The following ADAMTSL1 variants were observed in gnomAD, a reference collection of about 807,000 sequenced individuals.
ADAMTSL1 encodes the protein ADAMTS-like protein 1.
A neutral mutation model predicts 201.8 loss-of-function variants in ADAMTSL1; 126 were observed. The observed-to-expected ratio is 0.62, with a 90% CI of 0.54 to 0.72. The LOEUF (loss-of-function observed/expected upper bound fraction) is 0.72, where lower values mean the gene tolerates loss of function less well. ADAMTSL1 is among the 30% of genes least tolerant of loss of function. The pLI, the probability that ADAMTSL1 is intolerant of heterozygous loss-of-function variation, is 0.00. For synonymous variants in ADAMTSL1, 1,121 were observed against 903.4 expected (o/e 1.24, Z -4.32); for missense variants, 2,679 against 2,277.8 (o/e 1.18, Z -3.59).
intron 23 of ADAMTSL1, among the ~76,000 whole-genome samples, chr9:18,836,250 C>G (rs1273856224): frequency 6.6e-6 from 1 of 151,962 alleles, no homozygotes; most frequent in Non-Finnish European, 1.5e-5. Flanking sequence ...AATGTCTGTT[C>G]CTGTCTTTTG....
At chr9:18,907,935 C>G (rs1312159803) in intron 28 of ADAMTSL1, 1 of 182,344 alleles carries the variant, frequency 5.5e-6, no homozygotes, top group East Asian at 1.7e-4. Flanking sequence ...TAAAGCTTAA[C>G]AGAGAAAGTA....
At chr9:18,737,380 T>A (rs1818576929) in intron 15 of ADAMTSL1, among the ~76,000 whole-genome samples, 1 of 144,042 alleles carries the variant, frequency 6.9e-6, no homozygotes, top group Non-Finnish European at 1.5e-5. Context: ...CAGAGCCCCA[T>A]GCCCATGCCA....
intron 14 of ADAMTSL1, among the ~76,000 whole-genome samples, chr9:18,710,574 G>C (rs571065517): frequency 2.1e-4 from 31 of 150,796 alleles, no homozygotes; most frequent in Non-Finnish European, 2.8e-4. Context: ...ATTTGTGTTT[G>C]ACAAACCTAA....
chr9:18,042,825 A>G (rs1821485539), intron 1 of ADAMTSL1, among the ~76,000 whole-genome samples: 1 of 152,162 alleles, frequency 6.6e-6, no homozygotes, highest in Non-Finnish European at 1.5e-5. Flanking sequence ...CATGACTGAT[A>G]TGCAGTACAG....
Position 18,014,589 on chromosome 9 carries a change from T to C in ADAMTSL1, c.87+107667T>C, listed in dbSNP as rs535282705. ...CGCAAGTTGGGTATGTGTGAAAGAC[T>C]CAAAAGACTGCAGGCTGAAGTCTTA... is the stretch of plus-strand genomic sequence containing the variant. On this transcript the variant is annotated intron_variant, in intron 1 of 29. Coordinates refer to the ADAMTSL1 transcript ENST00000680146. Among the ~76,000 whole-genome samples, 24 of 152,194 alleles carry C rather than the reference T, an allele frequency of 1.6e-4. 1 individual carries two copies. In the East Asian group the frequency reaches 4.5e-3, roughly 28 times the overall value.
intron 2 of ADAMTSL1, among the ~76,000 whole-genome samples, chr9:18,412,644 G>A (rs1818495277): frequency 6.6e-6 from 1 of 152,078 alleles, no homozygotes; most frequent in Non-Finnish European, 1.5e-5. Flanking sequence ...TGCTACTATG[G>A]ATTTTTATAG....
At chr9:18,033,805 A>G (rs1009919613) in intron 1 of ADAMTSL1, among the ~76,000 whole-genome samples, 3 of 152,220 alleles carry the variant, frequency 2.0e-5, no homozygotes, top group African/African-American at 7.2e-5. Context: ...AACCTGAATT[A>G]TTTTGAGGGG....
intron 1 of ADAMTSL1, among the ~76,000 whole-genome samples, chr9:18,020,136 T>C (rs1820421606): frequency 6.6e-6 from 1 of 152,072 alleles, no homozygotes; most frequent in Non-Finnish European, 1.5e-5. Context: ...AGCTTGGAAG[T>C]AGATGATGGA....
At chr9:18,874,550 A>AT (rs1179643157) in intron 23 of ADAMTSL1, among the ~76,000 whole-genome samples, 3 of 151,734 alleles carry the variant, frequency 2.0e-5, no homozygotes, top group African/African-American at 7.3e-5. Context: ...AAATCATGGG[A>AT]TTTTTTTATT....
intron 1 of ADAMTSL1, among the ~76,000 whole-genome samples, chr9:18,075,146 A>T (rs1324333812): frequency 6.6e-6 from 1 of 151,084 alleles, no homozygotes. Context: ...TGTGAGGGGG[A>T]GGGAAAACCA....
chr9:18,350,288 T>C (rs932846902), intron 2 of ADAMTSL1, among the ~76,000 whole-genome samples: 2 of 151,900 alleles, frequency 1.3e-5, no homozygotes, highest in Non-Finnish European at 2.9e-5. Flanking sequence ...TTCAGGTGCC[T>C]GAAGAGAGGT....
At chr9:18,412,471 C>CT (rs1470746183) in intron 2 of ADAMTSL1, among the ~76,000 whole-genome samples, 1 of 152,150 alleles carries the variant, frequency 6.6e-6, no homozygotes, top group Non-Finnish European at 1.5e-5. Flanking sequence ...TTTATTAACT[C>CT]TTTTTCATAA....
At chr9:18,059,669 C>G (rs1343335232) in intron 1 of ADAMTSL1, among the ~76,000 whole-genome samples, 1 of 152,164 alleles carries the variant, frequency 6.6e-6, no homozygotes, top group Non-Finnish European at 1.5e-5. Context: ...ACAAAGTCTA[C>G]TCTTGAATGA....
intron 3 of ADAMTSL1, among the ~76,000 whole-genome samples, chr9:18,557,494 G>A (rs1042632095): frequency 2.6e-5 from 4 of 152,100 alleles, no homozygotes; most frequent in African/African-American, 9.6e-5. Flanking sequence ...GTTACTAAAA[G>A]AGGTATTTCA....
chr9:18,040,061 T>C (rs1343700792), intron 1 of ADAMTSL1, among the ~76,000 whole-genome samples: 2 of 152,230 alleles, frequency 1.3e-5, no homozygotes, highest in Non-Finnish European at 2.9e-5. Flanking sequence ...GTCTGTTTTG[T>C]CATTTATTCA....
At chr9:18,126,833 C>A (rs767628282) in intron 1 of ADAMTSL1, among the ~76,000 whole-genome samples, 3 of 152,016 alleles carry the variant, frequency 2.0e-5, no homozygotes, top group Non-Finnish European at 4.4e-5. Context: ...CCTCTGGATG[C>A]AAAAACAGTA....
intron 2 of ADAMTSL1, among the ~76,000 whole-genome samples, chr9:18,527,110 A>G (rs534605803): frequency 6.6e-6 from 1 of 152,300 alleles, no homozygotes; most frequent in Non-Finnish European, 1.5e-5. Flanking sequence ...TAACAGAATG[A>G]GATGAGATGC....
chr9:18,712,474 C>T (rs374809713), intron 14 of ADAMTSL1, among the ~76,000 whole-genome samples: 1 of 151,544 alleles, frequency 6.6e-6, no homozygotes, highest in Admixed American at 6.6e-5. Context: ...GGAGCCGATG[C>T]GATCAACTGG....
At chr9:18,316,541 A>G (rs1261488076) in intron 2 of ADAMTSL1, among the ~76,000 whole-genome samples, 2 of 152,146 alleles carry the variant, frequency 1.3e-5, no homozygotes, top group Admixed American at 6.5e-5. Context: ...AAGAAGAGAA[A>G]TATGGCTCTG....
Sources: allele counts gnomAD v4.1 joint callset (sites outside exome capture counted in the v4.1 genomes callset), GRCh38; gene constraint gnomAD v4.1.1; transcripts MANE v1.5; gene names NCBI Gene and HGNC (gene_info 2026-07-23, HGNC 2026-07-21).